Variants in CDH20 observed in about 807,000 individuals in gnomAD.
CDH20 encodes cadherin-20.
CDH20 carries 29 observed loss-of-function variants against 74.2 expected under a neutral mutation model. The ratio of observed to expected loss-of-function variants is 0.39; its 90% CI spans 0.29 to 0.53. CDH20 has a LOEUF of 0.53. Among genes scored for constraint, CDH20 ranks in the 20% least tolerant of loss-of-function variants. The pLI is 0.69. For synonymous variants in CDH20, 469 were observed against 405.4 expected (o/e 1.16, Z -1.88); for missense variants, 988 against 1,048.3 (o/e 0.94, Z 0.79).
intron 6 of CDH20, among the ~76,000 whole-genome samples, chr18:61,510,545 A>G (rs1251748516): frequency 1.3e-5 from 2 of 152,110 alleles, no homozygotes; most frequent in South Asian, 2.1e-4. Context: ...CTGAATTAAC[A>G]CTGCTTCAGA....
rs1555670425 is a variant in CDH20 at position 61,353,779 on chromosome 18, T to TG, written c.-153+19952_-153+19953insG. On this transcript the variant is annotated intron_variant, in intron 1 of 11. Transcript: ENST00000262717. This position sits in a 1 kb window ranked among gnomAD's most constrained non-coding sequence, Gnocchi z 4.6. ...GCTTTAAACTTATGTTAATAAAAGT[T>TG]AAAAAAAATCTTTCAGTTCCAGCCA... Among the ~76,000 whole-genome samples, 59 of 151,846 alleles carry TG rather than the reference T, an allele frequency of 3.9e-4. No homozygotes were observed. Among genetic ancestry groups the TG allele is most frequent in the Non-Finnish European group, 4.6e-4 (31 of 67,904 alleles).
Position 61,536,405 on chromosome 18 carries a change from C to T in CDH20, c.1272-88C>T, listed in dbSNP as rs140184062. The T allele has an allele frequency of 4.0e-4, 409 of 1,012,212 alleles. No homozygotes were observed. The East Asian group carries it at 8.6e-3, about 21-fold the overall frequency. The allele number at this position is 1,012,212 out of a possible 1,614,324, so 62.7% of individuals were successfully genotyped here. On this transcript the variant is annotated intron_variant, in intron 7 of 11. Transcript: ENST00000262717. ...ACTCAGAAGTGGTGGAACCATGTTT[C>T]ATATGGTAGGCACTCAGTTGTCTCA...
chr18:61,363,917 A>C (rs1910777298), intron 1 of CDH20, among the ~76,000 whole-genome samples: 1 of 152,164 alleles, frequency 6.6e-6, no homozygotes, highest in Non-Finnish European at 1.5e-5. Context: ...ATTGTTTTAC[A>C]AAAGAATAGA....
intron 1 of CDH20, among the ~76,000 whole-genome samples, chr18:61,346,450 C>T (rs898812027): frequency 6.6e-6 from 1 of 151,940 alleles, no homozygotes; most frequent in African/African-American, 2.4e-5. Context: ...AAAGTCACAG[C>T]CACATTGAAC....
chr18:61,397,457 G>C (rs1912021807), intron 1 of CDH20, among the ~76,000 whole-genome samples: 1 of 152,042 alleles, frequency 6.6e-6, no homozygotes. Context: ...CCAGGGTCTG[G>C]ATACTCTCAG....
At chr18:61,487,279 GA>G (rs1910801600) in intron 1 of CDH20, among the ~76,000 whole-genome samples, 1 of 152,124 alleles carries the variant, frequency 6.6e-6, no homozygotes, top group Non-Finnish European at 1.5e-5. Context: ...ATCCTCTAGG[GA>G]AAAACATGAA....
chr18:61,485,042 G>C (rs1175681565), intron 1 of CDH20, among the ~76,000 whole-genome samples: 1 of 152,130 alleles, frequency 6.6e-6, no homozygotes, highest in South Asian at 2.1e-4. Flanking sequence ...TTAGCCTCAG[G>C]AGTGCCACCA....
At chr18:61,518,145 A>G (rs976266771) in intron 6 of CDH20, among the ~76,000 whole-genome samples, 9 of 152,066 alleles carry the variant, frequency 5.9e-5, no homozygotes, top group African/African-American at 2.2e-4. Flanking sequence ...TAAAACTCCC[A>G]TCTCCCTGGG....
intron 1 of CDH20, among the ~76,000 whole-genome samples, chr18:61,339,542 C>T (rs754272909): frequency 6.6e-6 from 1 of 152,010 alleles, no homozygotes; most frequent in Non-Finnish European, 1.5e-5. Context: ...TCCATCTTTA[C>T]GTTCATGTAT....
intron 1 of CDH20, among the ~76,000 whole-genome samples, chr18:61,459,791 C>T (rs963292449): frequency 7.1e-6 from 1 of 140,098 alleles, no homozygotes; most frequent in Non-Finnish European, 1.6e-5. Context: ...AAGTGTTGTT[C>T]CCCTCTGCCT....
chr18:61,402,978 A>G (rs1337692285), intron 1 of CDH20, among the ~76,000 whole-genome samples: 1 of 152,172 alleles, frequency 6.6e-6, no homozygotes, highest in Admixed American at 6.5e-5. Flanking sequence ...TTTCTCCTCA[A>G]TCCTTTATTT....
intron 6 of CDH20, among the ~76,000 whole-genome samples, chr18:61,509,792 G>A (rs1021390473): frequency 2.2e-4 from 33 of 152,144 alleles, no homozygotes; most frequent in Admixed American, 7.2e-4. Context: ...AAGAGATGAT[G>A]AGGGTTTCAC....
At chr18:61,521,498 T>G (rs1328380517) in intron 6 of CDH20, among the ~76,000 whole-genome samples, 4 of 151,178 alleles carry the variant, frequency 2.6e-5, no homozygotes, top group African/African-American at 9.8e-5. Context: ...AGAGGTACAA[T>G]GAGGAGCTGG....
intron 1 of CDH20, among the ~76,000 whole-genome samples, chr18:61,336,205 C>A (rs930997317): frequency 6.6e-6 from 1 of 152,220 alleles, no homozygotes; most frequent in Non-Finnish European, 1.5e-5. Flanking sequence ...GATAACAGAT[C>A]TAGCATTGCT....
chr18:61,469,365 A>G (rs1910077046), intron 1 of CDH20, among the ~76,000 whole-genome samples: 1 of 17,504 alleles, frequency 5.7e-5, no homozygotes, highest in South Asian at 1.7e-3. Flanking sequence ...GAGAATGAAT[A>G]CACACACACA....
chr18:61,443,422 T>G (rs1909095588), intron 1 of CDH20, among the ~76,000 whole-genome samples: 1 of 152,172 alleles, frequency 6.6e-6, no homozygotes, highest in Non-Finnish European at 1.5e-5. Flanking sequence ...TGTGGAATTT[T>G]ATTTAAAATA....
At chr18:61,500,529 G>C in intron 4 of CDH20, 27 bp downstream of exon 4, 1 of 1,593,426 alleles carries the variant, frequency 6.3e-7, no homozygotes, top group Non-Finnish European at 8.6e-7. Context: ...TCGAGTCAGA[G>C]GTGTTTATTC....
At chr18:61,497,656 G>A (rs568403287) in intron 2 of CDH20, among the ~76,000 whole-genome samples, 3 of 152,282 alleles carry the variant, frequency 2.0e-5, no homozygotes, top group East Asian at 3.9e-4. Flanking sequence ...TGCCTCACGT[G>A]CATTAATCTC....
chr18:61,449,341 T>A (rs539330432), intron 1 of CDH20, among the ~76,000 whole-genome samples: 10 of 152,306 alleles, frequency 6.6e-5, no homozygotes, highest in African/African-American at 2.4e-4. Context: ...CACCTGTAAC[T>A]TGAACACTCT....
Sources: gnomAD v4.1 joint callset for allele counts (sites outside exome capture counted in the v4.1 genomes callset) on GRCh38, gnomAD v4.1.1 for gene constraint, Gnocchi (gnomAD v3.1) non-coding constraint, MANE v1.5 for transcripts, NCBI Gene and HGNC (gene_info 2026-07-23, HGNC 2026-07-21) for gene names.